The following MSRA variants were observed in gnomAD, a reference collection of about 807,000 sequenced individuals.
MSRA encodes mitochondrial peptide methionine sulfoxide reductase.
A neutral mutation model predicts 31.3 loss-of-function variants in MSRA; 54 were observed. The observed-to-expected ratio is 1.73, with a 90% CI of 1.39 to 2.17. The LOEUF is 2.17. Ranked by LOEUF, MSRA falls within the 30% of genes most tolerant of loss-of-function variation. The probability of loss-of-function intolerance (pLI) is 0.00; values close to 1 mark genes in which losing one functional copy is unlikely to be tolerated. For synonymous variants in MSRA, 169 were observed against 116.5 expected (o/e 1.45, Z -2.90); for missense variants, 507 against 300.9 (o/e 1.69, Z -5.07).
At chr8:10,386,936 G>C (rs953255532) in intron 5 of MSRA, among the ~76,000 whole-genome samples, 1 of 151,824 alleles carries the variant, frequency 6.6e-6, no homozygotes, top group African/African-American at 2.4e-5. Context: ...AAAGGCATGG[G>C]ATCGGCTGAA....
chr8:10,065,744 C>G (rs552911955), intron 1 of MSRA, among the ~76,000 whole-genome samples: 2 of 152,100 alleles, frequency 1.3e-5, no homozygotes, highest in Non-Finnish European at 2.9e-5. Flanking sequence ...CCGCTGTTGC[C>G]GGATGGTTGG....
intron 5 of MSRA, among the ~76,000 whole-genome samples, chr8:10,359,755 T>C (rs1266810541): frequency 1.3e-5 from 2 of 151,920 alleles, no homozygotes; most frequent in African/African-American, 2.4e-5. Context: ...AGATGGAGGA[T>C]GGTCTCAGAT....
chr8:10,423,716 C>G (rs147935297), intron 5 of MSRA, among the ~76,000 whole-genome samples: 1 of 152,222 alleles, frequency 6.6e-6, no homozygotes, highest in African/African-American at 2.4e-5. Context: ...AAGACTGAAC[C>G]TGCCCATGGA....
intron 5 of MSRA, among the ~76,000 whole-genome samples, chr8:10,358,500 A>G (rs943680117): frequency 3.0e-4 from 43 of 144,902 alleles, no homozygotes; most frequent in African/African-American, 1.0e-3. Context: ...GGTTGCACAG[A>G]AGGAGGTGAG....
chr8:10,145,841 T>C (rs566338200), intron 1 of MSRA, among the ~76,000 whole-genome samples: 19 of 152,330 alleles, frequency 1.2e-4, no homozygotes, highest in Non-Finnish European at 2.5e-4. Flanking sequence ...TGTGTGTGTG[T>C]GTAATGATTT....
chr8:10,309,552 G>C (rs894989495), intron 4 of MSRA, among the ~76,000 whole-genome samples: 1 of 152,276 alleles, frequency 6.6e-6, no homozygotes, highest in East Asian at 1.9e-4. Context: ...TCCTCAATCA[G>C]CTCCTCTTCA....
At chr8:10,208,016 C>G (rs1809152654) in intron 2 of MSRA, 115 bp downstream of exon 2, 1 of 705,698 alleles carries the variant, frequency 1.4e-6, no homozygotes, top group Non-Finnish European at 2.3e-6. Context: ...TAGATATTTA[C>G]AAGTTGTTAC....
At position 10,131,482 on chromosome 8, in the gene MSRA, G is replaced by A. The variant is rs1290004270; in HGVS notation, c.143-76351G>A. Among the ~76,000 whole-genome samples the A allele has an allele frequency of 3.9e-5, 6 of 152,206 alleles. No homozygotes were observed. In the East Asian group the frequency reaches 1.2e-3, roughly 29 times the overall value. On this transcript the variant is annotated intron_variant, in intron 1 of 5. Transcript: ENST00000317173. ...ATGCCGGGGAGTGGCATTCACAAAGGTTATGAGTGTGAAGTGAGAATAGCT... is the reference window on the plus strand; with the variant it reads ...ATGCCGGGGAGTGGCATTCACAAAGATTATGAGTGTGAAGTGAGAATAGCT...
intron 2 of MSRA, among the ~76,000 whole-genome samples, chr8:10,218,416 A>T (rs532533369): frequency 6.6e-6 from 1 of 152,106 alleles, no homozygotes; most frequent in African/African-American, 2.4e-5. Context: ...AAATGCTGGG[A>T]TTACAGGTGT....
intron 2 of MSRA, among the ~76,000 whole-genome samples, chr8:10,227,395 C>T (rs528735026): frequency 6.6e-6 from 1 of 152,106 alleles, no homozygotes; most frequent in Non-Finnish European, 1.5e-5. Context: ...TGGGCTACTT[C>T]AAGAGGCAGA....
At position 10,321,350 on chromosome 8, in the gene MSRA, G is replaced by C. The variant is rs901976342; in HGVS notation, c.543+1361G>C. Among the ~76,000 whole-genome samples, 9 of 152,258 alleles carry C rather than the reference G, an allele frequency of 5.9e-5. No homozygotes were observed. The South Asian group carries it at 6.2e-4, about 11-fold the overall frequency. On this transcript the variant is annotated intron_variant, in intron 5 of 5. Transcript: ENST00000317173. Reference sequence around the variant, plus strand: ...CCCCCAGGAATGAGTGCAGAGACGAGGAGGCTGTAACTAGAGTGTCCACTG... The same window carrying C: ...CCCCCAGGAATGAGTGCAGAGACGACGAGGCTGTAACTAGAGTGTCCACTG...
chr8:10,258,871 C>A (rs2129091679), intron 3 of MSRA, among the ~76,000 whole-genome samples: 1 of 152,280 alleles, frequency 6.6e-6, no homozygotes, highest in East Asian at 1.9e-4. Flanking sequence ...CTTTGGGAGG[C>A]CAAGGCGGGC....
chr8:10,424,212 G>A (rs1417197106), intron 5 of MSRA, among the ~76,000 whole-genome samples: 2 of 152,184 alleles, frequency 1.3e-5, no homozygotes, highest in Non-Finnish European at 2.9e-5. Context: ...TCGTGTGCAA[G>A]GGAATGGAAC....
At chr8:10,348,700 C>A (rs939620528) in intron 5 of MSRA, among the ~76,000 whole-genome samples, 2 of 152,126 alleles carry the variant, frequency 1.3e-5, no homozygotes, top group Non-Finnish European at 2.9e-5. Flanking sequence ...TCAGTTCATA[C>A]TACCAAGGCA....
chr8:10,157,099 C>A (rs1007243254), intron 1 of MSRA, among the ~76,000 whole-genome samples: 8 of 152,018 alleles, frequency 5.3e-5, no homozygotes, highest in Non-Finnish European at 1.2e-4. Context: ...AAACCCAGTT[C>A]TTTCTGACTC....
intron 4 of MSRA, among the ~76,000 whole-genome samples, chr8:10,307,144 AG>A (rs1369344783): frequency 6.7e-6 from 1 of 149,478 alleles, no homozygotes; most frequent in African/African-American, 2.5e-5. Flanking sequence ...CTTCCTGACT[AG>A]GAAGACCTCT....
chr8:10,158,441 T>A (rs1193700373), intron 1 of MSRA, among the ~76,000 whole-genome samples: 6 of 152,208 alleles, frequency 3.9e-5, no homozygotes, highest in Non-Finnish European at 8.8e-5. Flanking sequence ...GATTTGTCAA[T>A]TTTGGATACT....
chr8:10,072,096 G>A (rs1563397251), intron 1 of MSRA, among the ~76,000 whole-genome samples: 1 of 151,272 alleles, frequency 6.6e-6, no homozygotes, highest in Admixed American at 6.6e-5. Flanking sequence ...GGTTGGCCAG[G>A]TGCCATGTGA....
At chr8:10,272,434 G>T (rs2952174) in intron 3 of MSRA, among the ~76,000 whole-genome samples, 1 of 152,090 alleles carries the variant, frequency 6.6e-6, no homozygotes, top group African/African-American at 2.4e-5. Context: ...CAGTGTCTCA[G>T]CTCAATCCTT....
Sources: allele counts gnomAD v4.1 joint callset (sites outside exome capture counted in the v4.1 genomes callset), GRCh38; gene constraint gnomAD v4.1.1; transcripts MANE v1.5; gene names NCBI Gene and HGNC (gene_info 2026-07-23, HGNC 2026-07-21).